The following CUX2 variants were observed in gnomAD, a reference collection of about 807,000 sequenced individuals.
CUX2 encodes cut like homeobox 2, also known as homeobox protein cut-like 2.
A neutral mutation model predicts 144.8 loss-of-function variants in CUX2; 40 were observed. The ratio of observed to expected loss-of-function variants is 0.28; its 90% CI spans 0.21 to 0.36. The LOEUF (loss-of-function observed/expected upper bound fraction) is 0.36, where lower values mean the gene tolerates loss of function less well. Among genes scored for constraint, CUX2 ranks in the 10% least tolerant of loss-of-function variants. CUX2 has a pLI of 1.00. For synonymous variants in CUX2, 827 were observed against 875.6 expected, an observed-to-expected ratio of 0.94 and a Z score of 0.98; for missense variants, 1,615 against 1,994.0, an observed-to-expected ratio of 0.81 and a Z score of 3.62.
Position 111,073,195 on chromosome 12 carries a change from AC to A in CUX2, c.63+38961del, listed in dbSNP as rs535119383. Among the ~76,000 whole-genome samples the A allele has an allele frequency of 2.6e-3, 392 of 151,314 alleles. 10 individuals are homozygous for A. The highest frequency in any genetic ancestry group is 8.7e-3 in the African/African-American group (356 of 41,130). On this transcript the variant is annotated intron_variant, in intron 1 of 21. Transcript: ENST00000261726. ...CCCTTCCAGTCACTACCAACCACCC[AC>A]CCCCCAGGGTGAACCCTGTGCCCAC...
At chr12:111,080,253 A>G (rs1039076782) in intron 1 of CUX2, among the ~76,000 whole-genome samples, 1 of 151,874 alleles carries the variant, frequency 6.6e-6, no homozygotes, top group African/African-American at 2.4e-5. Context: ...TAACACACAC[A>G]CACACCTACA....
At chr12:111,210,999 T>G (rs1157862725) in intron 1 of CUX2, among the ~76,000 whole-genome samples, 1 of 152,178 alleles carries the variant, frequency 6.6e-6, no homozygotes, top group Non-Finnish European at 1.5e-5. Flanking sequence ...TGTAGTATAT[T>G]TCCAAGCCCC....
chr12:111,217,998 C>T (rs1486029681), intron 3 of CUX2, 61 bp downstream of exon 3: 2 of 1,588,044 alleles, frequency 1.3e-6, no homozygotes, highest in East Asian at 4.5e-5. Context: ...CCTCCTATCC[C>T]ACCTAGAGTT....
Position 111,034,300 on chromosome 12 carries a change from C to T in CUX2, c.63+60C>T. Reference sequence around the variant, plus strand: ...GGAGCCCCCGGGCGCGCCCTGGGCGCATTGGGGAGGTCCCCGGGCGGGCAG... The same window carrying T: ...GGAGCCCCCGGGCGCGCCCTGGGCGTATTGGGGAGGTCCCCGGGCGGGCAG... On this transcript the variant is annotated intron_variant, in intron 1 of 21. Coordinates refer to ENST00000261726, the MANE Select transcript of CUX2 (RefSeq NM_015267.4). This position sits in a 1 kb window ranked among gnomAD's most constrained non-coding sequence, Gnocchi z 4.2. 4.4e-6 allele frequency: 5 copies of T among 1,137,930 alleles called. No homozygotes were observed. The South Asian group carries it at 9.5e-5, about 22-fold the overall frequency. 70.5% of individuals were successfully genotyped at this position (1,137,930 alleles called of 1,614,324 possible).
intron 4 of CUX2, among the ~76,000 whole-genome samples, chr12:111,268,411 A>G (rs532875230): frequency 5.3e-5 from 8 of 152,322 alleles, no homozygotes; most frequent in African/African-American, 1.9e-4. Flanking sequence ...GAATAAAGTC[A>G]CATTCACAGG....
intron 4 of CUX2, among the ~76,000 whole-genome samples, chr12:111,283,727 G>T (rs567157586): frequency 2.0e-5 from 3 of 152,200 alleles, no homozygotes; most frequent in African/African-American, 7.2e-5. Context: ...GGGGAAGTCA[G>T]TGTTCCCCAA....
At chr12:111,313,301 C>T (rs1158902833) in intron 16 of CUX2, among the ~76,000 whole-genome samples, 1 of 150,250 alleles carries the variant, frequency 6.7e-6, no homozygotes, top group Non-Finnish European at 1.5e-5. Context: ...GAACTCCTGA[C>T]CTCGTGATCC....
At chr12:111,219,306 G>A (rs1025482496) in intron 3 of CUX2, among the ~76,000 whole-genome samples, 4 of 151,778 alleles carry the variant, frequency 2.6e-5, no homozygotes, top group African/African-American at 9.7e-5. Context: ...AAGGTGCCTG[G>A]GCTTGGAAGA....
chr12:111,333,066 G>A (rs561680628), intron 18 of CUX2, among the ~76,000 whole-genome samples: 15 of 152,178 alleles, frequency 9.9e-5, no homozygotes, highest in East Asian at 9.6e-4. Flanking sequence ...AAAATTAGCC[G>A]GGTGTGGTGG....
intron 1 of CUX2, among the ~76,000 whole-genome samples, chr12:111,115,845 G>A (rs1161780230): frequency 6.6e-6 from 1 of 152,148 alleles, no homozygotes; most frequent in African/African-American, 2.4e-5. Flanking sequence ...TTCCATACAG[G>A]CAAAGATCAG....
rs898516014 is a variant in CUX2, at chr12:111,068,971, T to A, written c.63+34731T>A. ...TAATACAAAAAATAGCCGGACTGGG[T>A]GGCCTGTACCTGTAATCTCAGCTAC... is the stretch of plus-strand genomic sequence containing the variant. On this transcript the variant is annotated intron_variant, in intron 1 of 21. Transcript: ENST00000261726. This position sits in a 1 kb window ranked among gnomAD's most constrained non-coding sequence, Gnocchi z 4.9. Among the ~76,000 whole-genome samples the A allele has an allele frequency of 2.0e-5, 3 of 152,066 alleles. No homozygotes were observed. The highest frequency in any genetic ancestry group is 7.2e-5 in the African/African-American group (3 of 41,402).
In CUX2 at chr12:111,069,194, G is replaced by A. The variant is rs977327568; in HGVS notation, c.63+34954G>A. 6.1e-4 allele frequency among the ~76,000 whole-genome samples: 93 copies of A among 152,198 alleles called. 1 individual carries two copies. Among genetic ancestry groups the A allele is most frequent in the African/African-American group, 2.2e-3 (92 of 41,440 alleles). On this transcript the variant is annotated intron_variant, in intron 1 of 21. Transcript: ENST00000261726. Reference sequence around the variant, plus strand: ...TCAGTTTTCCTATCTGAAGAATGGGGTTGTTAGGTTTAGTGAAGACAGTAT... The same window carrying A: ...TCAGTTTTCCTATCTGAAGAATGGGATTGTTAGGTTTAGTGAAGACAGTAT...
intron 4 of CUX2, among the ~76,000 whole-genome samples, chr12:111,288,805 A>C (rs1022200496): frequency 2.0e-5 from 3 of 152,164 alleles, no homozygotes; most frequent in Admixed American, 2.0e-4. Context: ...TCTACCAAAA[A>C]TATAAAAATT....
Position 111,232,962 on chromosome 12 carries a change from A to T in CUX2, c.222+15025A>T, listed in dbSNP as rs80337351. Among the ~76,000 whole-genome samples, 738 of 152,320 alleles carry T rather than the reference A, an allele frequency of 4.8e-3. 5 individuals carry two copies. The highest frequency in any genetic ancestry group is 0.017 in the African/African-American group (710 of 41,566). ...CAAGTAAATATATAATTCCAACTGT[A>T]CCAGGGACCTTCCTGGGGCTATGAG... On this transcript the variant is annotated intron_variant, in intron 3 of 21. Transcript: ENST00000261726.
intron 1 of CUX2, among the ~76,000 whole-genome samples, chr12:111,185,022 C>T (rs1879431365): frequency 6.6e-6 from 1 of 152,148 alleles, no homozygotes; most frequent in Non-Finnish European, 1.5e-5. Context: ...CAAGATGGCG[C>T]CACTGCACTC....
In CUX2 at chr12:111,320,526, G is replaced by A. The variant is rs1565917736; in HGVS notation, c.2517G>A (p.Ala839=). 1.9e-6 allele frequency: 3 copies of A among 1,561,406 alleles called. No individual in the cohort carries two copies. The highest frequency in any genetic ancestry group is 1.1e-5 in the South Asian group (1 of 87,332). ...CTGTGCCCCCCGAGGACGAGGCGGC[G>A]GCAGGGGCGGAGGACGAACCCCCCA... is the stretch of plus-strand genomic sequence containing the variant. ...EAPVPPEDEA[A]AGAEDEPPRT... The change falls in exon 17 of 22, where the codon GCG becomes GCA. Residue 839 remains alanine, a synonymous_variant. Transcript: ENST00000261726. The surrounding 1 kb of genome is among the most constrained non-coding windows in gnomAD (Gnocchi z 8.1).
At chr12:111,200,653 C>T (rs1204738072) in intron 1 of CUX2, among the ~76,000 whole-genome samples, 1 of 152,108 alleles carries the variant, frequency 6.6e-6, no homozygotes, top group African/African-American at 2.4e-5. Flanking sequence ...CGTCACTTGG[C>T]TCAGTGTCTT....
At chr12:111,137,539 G>A (rs1875981450) in intron 1 of CUX2, among the ~76,000 whole-genome samples, 2 of 151,906 alleles carry the variant, frequency 1.3e-5, no homozygotes, top group African/African-American at 4.8e-5. Flanking sequence ...TTGAGACAGG[G>A]TCTTGTTCTG....
intron 1 of CUX2, among the ~76,000 whole-genome samples, chr12:111,135,421 T>A (rs1034713025): frequency 3.8e-4 from 58 of 152,216 alleles, no homozygotes; most frequent in African/African-American, 1.4e-3. Context: ...AGCAGTTTGA[T>A]GGTTTCTCAG....
Sources: allele counts gnomAD v4.1 joint callset (sites outside exome capture counted in the v4.1 genomes callset), GRCh38; gene constraint gnomAD v4.1.1; non-coding constraint Gnocchi (gnomAD v3.1); transcripts MANE v1.5; gene names NCBI Gene and HGNC (gene_info 2026-07-23, HGNC 2026-07-21).